The following RIMS3 variants were observed in gnomAD, a reference collection of about 807,000 sequenced individuals.
RIMS3 encodes the protein regulating synaptic membrane exocytosis 3.
In RIMS3, 15 loss-of-function variants were observed where a neutral mutation model predicts 29.2. The observed-to-expected ratio is 0.51, with a 90% CI of 0.34 to 0.79. The LOEUF (loss-of-function observed/expected upper bound fraction) is 0.79. RIMS3 is among the 30% of genes least tolerant of loss of function. The pLI is 0.01. For missense variants in RIMS3, 342 were observed against 421.4 expected, an observed-to-expected ratio of 0.81 and a Z score of 1.65; for synonymous variants, 161 against 170.1, an observed-to-expected ratio of 0.95 and a Z score of 0.41.
rs951690468 is a variant in RIMS3, at chr1:40,620,766, T to C, written c.*5751A>G. 3.9e-5 allele frequency: 6 copies of C among 152,644 alleles called. No homozygotes were observed. Among genetic ancestry groups the C allele is most frequent in the African/African-American group, 1.4e-4 (6 of 41,448 alleles). 9.5% of individuals were successfully genotyped at this position (152,644 alleles called of 1,614,324 possible). Reference sequence around the variant, plus strand: ...GTGAAGAATTTTCTCCTCAAGGGAATTGGCAAGAATGTTGTACGAAACAGC... The same window carrying C: ...GTGAAGAATTTTCTCCTCAAGGGAACTGGCAAGAATGTTGTACGAAACAGC... On this transcript the variant is annotated 3_prime_UTR_variant, in exon 8 of 8. Transcript: ENST00000372684.
chr1:40,622,259 T>G lies in RIMS3; in HGVS notation c.*4258A>C, dbSNP rs569510644. The G allele has an allele frequency of 3.3e-5, 5 of 152,776 alleles. No homozygotes were observed. The highest frequency in any genetic ancestry group is 7.3e-5 in the Non-Finnish European group (5 of 68,072). 9.5% of individuals were successfully genotyped at this position (152,776 alleles called of 1,614,324 possible). ...TTGCTCTGAGATGCTCAGGCACGCT[T>G]TTAAAAGAATCCTTTCCCAGCCAGA... On this transcript the variant is annotated 3_prime_UTR_variant, in exon 8 of 8. Transcript: ENST00000372684.
At chr1:40,632,827 T>A (rs140496866) in intron 5 of RIMS3, among the ~76,000 whole-genome samples, 1 of 152,124 alleles carries the variant, frequency 6.6e-6, no homozygotes, top group Non-Finnish European at 1.5e-5. Context: ...AAATACCTCA[T>A]GCAAAGCATC....
Position 40,626,111 on chromosome 1 carries a change from A to G in RIMS3, c.*406T>C, listed in dbSNP as rs1021923514. 7.4e-6 allele frequency: 2 copies of G among 270,000 alleles called. No individual in the cohort carries two copies. The highest frequency in any genetic ancestry group is 1.4e-5 in the Non-Finnish European group (2 of 138,126). The allele number at this position is 270,000 out of a possible 1,614,324, so 16.7% of individuals were successfully genotyped here. ...AGGAGCAGGCACAGGTGAAGAACAC[A>G]CAGGCTCTGCCCCAGGCCAGGACCA... On this transcript the variant is annotated 3_prime_UTR_variant, in exon 8 of 8. Coordinates refer to ENST00000372684, the MANE Select transcript of RIMS3 (RefSeq NM_014747.3).
chr1:40,662,905 CCTGT>C (rs1642372257), intron 1 of RIMS3, among the ~76,000 whole-genome samples: 1 of 152,170 alleles, frequency 6.6e-6, no homozygotes, highest in African/African-American at 2.4e-5. Context: ...AGATTTGAAT[CCTGT>C]CTGTCTGATG....
intron 1 of RIMS3, among the ~76,000 whole-genome samples, chr1:40,650,085 G>C (rs968356072): frequency 6.6e-6 from 1 of 152,170 alleles, no homozygotes; most frequent in Admixed American, 6.5e-5. Flanking sequence ...CAGTGCAGGG[G>C]ATGGGGTGGT....
intron 3 of RIMS3, among the ~76,000 whole-genome samples, chr1:40,640,775 T>C (rs750525247): frequency 2.6e-5 from 4 of 152,166 alleles, no homozygotes; most frequent in Non-Finnish European, 4.4e-5. Flanking sequence ...TGAAAAAGGA[T>C]ACTGTATTGA....
intron 3 of RIMS3, among the ~76,000 whole-genome samples, chr1:40,638,254 C>A (rs568684168): frequency 6.6e-6 from 1 of 152,162 alleles, no homozygotes; most frequent in Non-Finnish European, 1.5e-5. Flanking sequence ...AATCCCCCAT[C>A]TAGCTGAGAG....
At chr1:40,676,669 A>C in the RIMS3 span, among the ~76,000 whole-genome samples, 3 of 152,066 alleles carry the variant, frequency 2.0e-5, no homozygotes, top group Non-Finnish European at 4.4e-5. Flanking sequence ...GAATTTGAAC[A>C]AAAAAAGTTT....
At chr1:40,657,780 C>A (rs562424945) in intron 1 of RIMS3, among the ~76,000 whole-genome samples, 2 of 147,656 alleles carry the variant, frequency 1.4e-5, no homozygotes, top group African/African-American at 5.0e-5. Context: ...ATTAGCCAGG[C>A]ATGGTGGTGT....
chr1:40,650,044 C>T (rs1646620908), intron 1 of RIMS3, among the ~76,000 whole-genome samples: 2 of 152,192 alleles, frequency 1.3e-5, no homozygotes, highest in African/African-American at 4.8e-5. Context: ...CACATGGGCC[C>T]TAGATACATT....
chr1:40,679,194 T>G, the RIMS3 span, among the ~76,000 whole-genome samples: 1 of 152,142 alleles, frequency 6.6e-6, no homozygotes, highest in South Asian at 2.1e-4. Flanking sequence ...CTACCACCAC[T>G]GCTGGAAAGG....
At chr1:40,670,608 A>ATATATATATATATATATATATATATATC, upstream of RIMS3, among the ~76,000 whole-genome samples, 1 of 131,426 alleles carries the variant, frequency 7.6e-6, no homozygotes, top group Non-Finnish European at 1.6e-5. Flanking sequence ...ATATATATAT[A>ATATATATATATATATATATATATATATC]TTTGAGATGG....
rs1646558559 is a variant in RIMS3, at chr1:40,641,691, T to C, written c.217+18A>G. ...AGTGTCCCCCACCTCTACCCCGTGA[T>C]GTCCCATGCCCCCTCACCAGGCTGC... On this transcript the variant is annotated intron_variant, in intron 3 of 7. Transcript: ENST00000372684. 6.2e-7 allele frequency: 1 copy of C among 1,613,096 alleles called. No individual in the cohort carries two copies. Among genetic ancestry groups the C allele is most frequent in the Non-Finnish European group, 8.5e-7 (1 of 1,179,172 alleles).
At chr1:40,627,362 G>A (rs2148342753) in intron 7 of RIMS3, among the ~76,000 whole-genome samples, 1 of 152,186 alleles carries the variant, frequency 6.6e-6, no homozygotes, top group African/African-American at 2.4e-5. Context: ...CCGAGTAGCT[G>A]GGACTACAGG....
chr1:40,664,258 C>T (rs1275191187), intron 1 of RIMS3, among the ~76,000 whole-genome samples: 1 of 151,726 alleles, frequency 6.6e-6, no homozygotes, highest in African/African-American at 2.4e-5. Flanking sequence ...CACCCCGCCT[C>T]CCAACCAAGA....
the RIMS3 span, chr1:40,673,310 C>T: frequency 5.3e-5 from 8 of 152,192 alleles, no homozygotes; most frequent in East Asian, 1.5e-3. Context: ...TCACTTTAGA[C>T]TTTACCATGC....
the RIMS3 span, among the ~76,000 whole-genome samples, chr1:40,674,241 T>C: frequency 6.6e-6 from 1 of 152,178 alleles, no homozygotes; most frequent in Non-Finnish European, 1.5e-5. Context: ...AATAAAGAAA[T>C]GACAATTTCA....
rs1243465660 is a variant in RIMS3, at chr1:40,621,473, A to T, written c.*5044T>A. On this transcript the variant is annotated 3_prime_UTR_variant, in exon 8 of 8. Transcript: ENST00000372684. Reference sequence around the variant, plus strand: ...GGGCATGGACCAGATGAGAGCCTGCACCCAGCCTGGGCATCAGGGGCTGAA... The same window carrying T: ...GGGCATGGACCAGATGAGAGCCTGCTCCCAGCCTGGGCATCAGGGGCTGAA... 6.6e-6 allele frequency: 1 copy of T among 152,214 alleles called. No individual in the cohort carries two copies. The highest frequency in any genetic ancestry group is 1.5e-5 in the Non-Finnish European group (1 of 68,044). The allele number at this position is 152,214 out of a possible 1,614,324, so 9.4% of individuals were successfully genotyped here.
intron 2 of RIMS3, among the ~76,000 whole-genome samples, chr1:40,646,524 C>T (rs899818931): frequency 3.3e-4 from 50 of 152,174 alleles, no homozygotes; most frequent in African/African-American, 1.2e-3. Context: ...CATGGCACCG[C>T]AGGGAAGGAA....
Sources: gnomAD v4.1 joint callset for allele counts (sites outside exome capture counted in the v4.1 genomes callset) on GRCh38, gnomAD v4.1.1 for gene constraint, MANE v1.5 for transcripts, NCBI Gene and HGNC (gene_info 2026-07-23, HGNC 2026-07-21) for gene names.